NTNG2: variants seen among roughly 807,000 people sequenced by gnomAD.
NTNG2 encodes netrin G2.
NTNG2 carries 15 observed loss-of-function variants against 47.6 expected under a neutral mutation model. The observed-to-expected ratio is 0.32, with a 90% CI of 0.21 to 0.49. The LOEUF is 0.49. NTNG2 is among the 20% of genes least tolerant of loss of function. The pLI is 0.99. For synonymous variants in NTNG2, 307 were observed against 324.6 expected, an observed-to-expected ratio of 0.95 and a Z score of 0.58; for missense variants, 578 against 764.6, an observed-to-expected ratio of 0.76 and a Z score of 2.88.
At chr9:132,179,575 G>A (rs1039116586) in intron 2 of NTNG2, among the ~76,000 whole-genome samples, 3 of 152,336 alleles carry the variant, frequency 2.0e-5, no homozygotes, top group African/African-American at 7.2e-5. Context: ...GTGGTGTGCT[G>A]GACGCCTGGG....
rs1024775469 is a variant in NTNG2 at position 132,208,556 on chromosome 9, C to A, written c.857+9947C>A. ...GGGACAGGGGCTGTGATGTGGGCCG[C>A]CTGGAGGTGGTCTTTGGTGGCAGTG... On this transcript the variant is annotated intron_variant, in intron 3 of 7. Transcript: ENST00000393229. The surrounding 1 kb of genome is among the most constrained non-coding windows in gnomAD (Gnocchi z 4.0). Among the ~76,000 whole-genome samples, 6 of 151,850 alleles carry A rather than the reference C, an allele frequency of 4.0e-5. No individual in the cohort carries two copies. The highest frequency in any genetic ancestry group is 1.5e-4 in the African/African-American group (6 of 41,314).
At chr9:132,167,268 C>T (rs566638905) in intron 2 of NTNG2, among the ~76,000 whole-genome samples, 30 of 152,344 alleles carry the variant, frequency 2.0e-4, no homozygotes, top group African/African-American at 6.5e-4. Flanking sequence ...ACATTGTTCT[C>T]TGGGGTAGGG....
At chr9:132,192,804 T>C (rs1336530374) in intron 2 of NTNG2, among the ~76,000 whole-genome samples, 1 of 151,370 alleles carries the variant, frequency 6.6e-6, no homozygotes, top group African/African-American at 2.4e-5. Context: ...AGAGAGAAAA[T>C]TGTGTTGGCC....
intron 6 of NTNG2, 99 bp from the exon 7 acceptor site, chr9:132,240,811 A>C: frequency 6.5e-7 from 1 of 1,540,474 alleles, no homozygotes. Context: ...TCCCCTGGGG[A>C]GTGTGGAGAT....
intron 2 of NTNG2, among the ~76,000 whole-genome samples, chr9:132,170,149 G>A (rs948315569): frequency 5.3e-5 from 8 of 152,212 alleles, no homozygotes; most frequent in African/African-American, 1.9e-4. Context: ...AGGGACCCAG[G>A]GGCGGACGGC....
At chr9:132,161,974 G>T, upstream of NTNG2, 1 of 150,270 alleles carries the variant, frequency 6.7e-6, no homozygotes, top group South Asian at 1.8e-4. This position sits in a 1 kb window ranked among gnomAD's most constrained non-coding sequence, Gnocchi z 7.2. Context: ...CGATGCGGGC[G>T]GCGCGGGCGG....
chr9:132,168,767 GTC>G (rs1835681926), intron 2 of NTNG2, among the ~76,000 whole-genome samples: 1 of 152,174 alleles, frequency 6.6e-6, no homozygotes, highest in African/African-American at 2.4e-5. Flanking sequence ...GTCAACCTCT[GTC>G]TCTCGTATTA....
intron 2 of NTNG2, among the ~76,000 whole-genome samples, chr9:132,195,058 G>A (rs143993617): frequency 1.5e-3 from 225 of 152,372 alleles, no homozygotes; most frequent in African/African-American, 5.2e-3. Flanking sequence ...GTGGTCCGGA[G>A]CACTGGGTGG....
At chr9:132,211,375 C>G (rs1227241581) in intron 3 of NTNG2, among the ~76,000 whole-genome samples, 3 of 152,198 alleles carry the variant, frequency 2.0e-5, no homozygotes, top group African/African-American at 7.2e-5. Context: ...CCCTCCCTCC[C>G]TTCAGTCTTG....
intron 3 of NTNG2, among the ~76,000 whole-genome samples, chr9:132,216,414 C>CTCTCTCTCTGTGTGTGTGTGTG (rs1554790515): frequency 9.1e-6 from 1 of 110,286 alleles, no homozygotes; most frequent in African/African-American, 4.9e-5. Context: ...CTCTCTCTCT[C>CTCTCTCTCTGTGTGTGTGTGTG]TGTGTGTGTG....
In NTNG2 at chr9:132,215,352, G is replaced by A. The variant is rs1839892269; in HGVS notation, c.858-11497G>A. On this transcript the variant is annotated intron_variant, in intron 3 of 7. Transcript: ENST00000393229. This position sits in a 1 kb window ranked among gnomAD's most constrained non-coding sequence, Gnocchi z 4.2. ...TCCCAGCATTTTGGGAGGCCGAGGTGGGCGGATCATTTGAGGTCAGGAGTT... is the reference window on the plus strand; with the variant it reads ...TCCCAGCATTTTGGGAGGCCGAGGTAGGCGGATCATTTGAGGTCAGGAGTT... Among the ~76,000 whole-genome samples the A allele has an allele frequency of 6.6e-6, 1 of 152,086 alleles. No homozygotes were observed. Among genetic ancestry groups the A allele is most frequent in the Admixed American group, 6.5e-5 (1 of 15,272 alleles).
Position 132,231,336 on chromosome 9 carries a change from C to A in NTNG2, c.1054+741C>A, listed in dbSNP as rs59869556. The A allele has an allele frequency of 1.1e-3, 509 of 456,344 alleles. 1 individual carries two copies. The highest frequency in any genetic ancestry group is 9.3e-3 in the African/African-American group (467 of 50,172). 28.3% of individuals were successfully genotyped at this position (456,344 alleles called of 1,614,324 possible). On this transcript the variant is annotated intron_variant, in intron 5 of 7. Transcript: ENST00000393229. The surrounding 1 kb of genome is among the most constrained non-coding windows in gnomAD (Gnocchi z 4.1). The stretch of plus-strand genomic sequence containing the variant: ...CCCTGGGAGGTCGCCATCTGCTCTG[C>A]GAGGCAGCAGGAGAGGACTGGCCAA...
chr9:132,177,751 G>A (rs747721276), intron 2 of NTNG2, among the ~76,000 whole-genome samples: 36 of 152,164 alleles, frequency 2.4e-4, no homozygotes, highest in Admixed American at 1.8e-3. Context: ...TCCCCCTCCC[G>A]GGTTCAAGCG....
intron 3 of NTNG2, among the ~76,000 whole-genome samples, chr9:132,199,027 G>C (rs1838541211): frequency 1.3e-5 from 2 of 152,108 alleles, no homozygotes; most frequent in Non-Finnish European, 2.9e-5. Flanking sequence ...GACATTACCT[G>C]GTTCTCAGGA....
chr9:132,215,768 G>A lies in NTNG2; in HGVS notation c.858-11081G>A, dbSNP rs1363653133. Among the ~76,000 whole-genome samples, 1 of 152,120 alleles carries A rather than the reference G, an allele frequency of 6.6e-6. No homozygotes were observed. Among genetic ancestry groups the A allele is most frequent in the African/African-American group, 2.4e-5 (1 of 41,414 alleles). On this transcript the variant is annotated intron_variant, in intron 3 of 7. Transcript: ENST00000393229. The surrounding 1 kb of genome is among the most constrained non-coding windows in gnomAD (Gnocchi z 4.2). ...GTGTTGGACGGGACAGCATGAATAA[G>A]GGGCCCTGCCCTTGGGGTCAGGCAC...
In NTNG2 at chr9:132,231,060, TG is replaced by T. The variant is rs1841179184; in HGVS notation, c.1054+470del. On this transcript the variant is annotated intron_variant, in intron 5 of 7. Coordinates refer to ENST00000393229, the MANE Select transcript of NTNG2 (RefSeq NM_032536.4). This position sits in a 1 kb window ranked among gnomAD's most constrained non-coding sequence, Gnocchi z 4.1. ...CAGAATCCACCCCCTAGCCTAACCA[TG>T]GGGGCAGCCTCCCTCTGGGCAGCCT... Among the ~76,000 whole-genome samples, 1 of 152,006 alleles carries T rather than the reference TG, an allele frequency of 6.6e-6. No homozygotes were observed. The highest frequency in any genetic ancestry group is 1.5e-5 in the Non-Finnish European group (1 of 67,962).
intron 3 of NTNG2, among the ~76,000 whole-genome samples, chr9:132,201,802 T>A (rs1443562608): frequency 6.6e-6 from 1 of 152,164 alleles, no homozygotes. Flanking sequence ...CCCCAATGGT[T>A]ATTGAATGGC....
chr9:132,191,794 G>A (rs1156412042), intron 2 of NTNG2, among the ~76,000 whole-genome samples: 4 of 152,074 alleles, frequency 2.6e-5, no homozygotes, highest in African/African-American at 7.2e-5. Context: ...GGATGGTCTC[G>A]ATCTCCTTAC....
intron 3 of NTNG2, among the ~76,000 whole-genome samples, chr9:132,223,431 G>A (rs1208623634): frequency 6.6e-6 from 1 of 152,212 alleles, no homozygotes; most frequent in Non-Finnish European, 1.5e-5. Flanking sequence ...GGCCGGATGC[G>A]AGGAGGGAGC....
Sources: gnomAD v4.1 joint callset for allele counts (sites outside exome capture counted in the v4.1 genomes callset) on GRCh38, gnomAD v4.1.1 for gene constraint, Gnocchi (gnomAD v3.1) non-coding constraint, MANE v1.5 for transcripts, NCBI Gene and HGNC (gene_info 2026-07-23, HGNC 2026-07-21) for gene names.